SHISA9: variants seen among roughly 807,000 people sequenced by gnomAD.
The protein encoded by SHISA9 is protein shisa-9.
A neutral mutation model predicts 38.0 loss-of-function variants in SHISA9; 13 were observed. The observed-to-expected ratio is 0.34, with a 90% CI of 0.22 to 0.54. The LOEUF (loss-of-function observed/expected upper bound fraction) is 0.54. Among genes scored for constraint, SHISA9 ranks in the 20% least tolerant of loss-of-function variants. The pLI, the probability that SHISA9 is intolerant of heterozygous loss-of-function variation, is 0.91. For synonymous variants in SHISA9, 275 were observed against 242.0 expected (o/e 1.14, Z -1.27); for missense variants, 538 against 575.8 (o/e 0.93, Z 0.67).
intron 1 of SHISA9, among the ~76,000 whole-genome samples, chr16:12,904,128 A>G (rs1452949519): frequency 6.6e-6 from 1 of 152,100 alleles, no homozygotes; most frequent in African/African-American, 2.4e-5. Context: ...TTCCGCAACC[A>G]CAGGGTGGCC....
At chr16:13,334,931 C>A in the SHISA9 span, among the ~76,000 whole-genome samples, 1 of 152,208 alleles carries the variant, frequency 6.6e-6, no homozygotes, top group Non-Finnish European at 1.5e-5. Context: ...TGGAGCAGGG[C>A]ACACCACTTC....
chr16:12,981,960 A>G (rs1392098601), intron 2 of SHISA9, among the ~76,000 whole-genome samples: 2 of 152,202 alleles, frequency 1.3e-5, no homozygotes, highest in East Asian at 3.9e-4. Context: ...TAACCTCTGG[A>G]ATTGTGAGAA....
the SHISA9 span, among the ~76,000 whole-genome samples, chr16:13,482,820 G>T: frequency 1.3e-4 from 10 of 74,854 alleles, no homozygotes; most frequent in East Asian, 4.3e-3. Flanking sequence ...AAAAAAAAGA[G>T]AGAGAGAGAC....
intron 2 of SHISA9, among the ~76,000 whole-genome samples, chr16:13,006,093 G>A (rs184579181): frequency 5.9e-5 from 9 of 152,342 alleles, no homozygotes; most frequent in African/African-American, 2.2e-4. Flanking sequence ...CACTCTGAGA[G>A]ACTGACTTCA....
the SHISA9 span, among the ~76,000 whole-genome samples, chr16:13,314,439 C>T: frequency 1.0e-3 from 154 of 152,068 alleles, 1 homozygote; most frequent in African/African-American, 3.5e-3. Flanking sequence ...AGGGTTTCAC[C>T]GTGTTGGCCA....
chr16:13,054,300 A>T (rs868562753), intron 2 of SHISA9, among the ~76,000 whole-genome samples: 13 of 152,214 alleles, frequency 8.5e-5, no homozygotes, highest in African/African-American at 3.1e-4. Context: ...AAGGTGAAAT[A>T]AGAAAAACCT....
chr16:13,028,058 G>A (rs1450437400), intron 2 of SHISA9, among the ~76,000 whole-genome samples: 2 of 151,950 alleles, frequency 1.3e-5, no homozygotes. Flanking sequence ...GGCTGGGGTG[G>A]GGGTAATTGA....
the SHISA9 span, among the ~76,000 whole-genome samples, chr16:13,344,838 T>C: frequency 0.22 from 33,010 of 152,122 alleles, 4,031 homozygotes; most frequent in African/African-American, 0.31. Flanking sequence ...CCTATGTTCT[T>C]GGTCATTACA....
chr16:13,431,335 GA>G, the SHISA9 span, among the ~76,000 whole-genome samples: 256 of 152,166 alleles, frequency 1.7e-3, 1 homozygote, highest in Middle Eastern at 6.8e-3. Context: ...GTCGAATAGG[GA>G]AAAAAATAAC....
chr16:13,058,798 G>T (rs1240112468), intron 2 of SHISA9, among the ~76,000 whole-genome samples: 1 of 150,470 alleles, frequency 6.6e-6, no homozygotes, highest in African/African-American at 2.5e-5. Context: ...TGTATGTGTG[G>T]TGGGAGATGT....
At chr16:12,937,967 C>T (rs1015539626) in intron 2 of SHISA9, among the ~76,000 whole-genome samples, 2 of 152,190 alleles carry the variant, frequency 1.3e-5, no homozygotes, top group Admixed American at 1.3e-4. Context: ...TAAGGTGAGG[C>T]AGCTGGAATC....
chr16:13,273,065 C>T, the SHISA9 span, among the ~76,000 whole-genome samples: 55 of 152,148 alleles, frequency 3.6e-4, no homozygotes, highest in Non-Finnish European at 1.2e-4. Flanking sequence ...GTTGATTCAT[C>T]AGAATTGGTA....
chr16:13,015,894 CTTT>C (rs2072744758), intron 2 of SHISA9, among the ~76,000 whole-genome samples: 1 of 126,224 alleles, frequency 7.9e-6, no homozygotes, highest in African/African-American at 3.3e-5. Context: ...TTCTTTCTTT[CTTT>C]CTTTCTTTCT....
chr16:13,512,978 G>A, the SHISA9 span, among the ~76,000 whole-genome samples: 1 of 152,158 alleles, frequency 6.6e-6, no homozygotes. Flanking sequence ...AACACCAAAA[G>A]CAATTGCAAC....
chr16:12,902,972 G>A, intron 1 of SHISA9: 1 of 275,102 alleles, frequency 3.6e-6, no homozygotes, highest in East Asian at 8.2e-5. Flanking sequence ...CGGGTTTGGG[G>A]AGAGGGTCCA....
chr16:12,927,787 C>T (rs920931368), intron 2 of SHISA9, among the ~76,000 whole-genome samples: 1 of 152,090 alleles, frequency 6.6e-6, no homozygotes, highest in African/African-American at 2.4e-5. Flanking sequence ...GTCCCCGGTG[C>T]TGAACCACAC....
At chr16:13,360,570 C>T in the SHISA9 span, among the ~76,000 whole-genome samples, 23 of 152,282 alleles carry the variant, frequency 1.5e-4, no homozygotes, top group East Asian at 9.6e-4. Flanking sequence ...CTTCCCCTTC[C>T]GCCATGATTG....
At chr16:13,252,614 C>T in the SHISA9 span, among the ~76,000 whole-genome samples, 34 of 152,272 alleles carry the variant, frequency 2.2e-4, no homozygotes, top group Admixed American at 5.2e-4. Context: ...CTGAAGCTTG[C>T]GCTGCTCATG....
At chr16:13,504,432 A>G in the SHISA9 span, among the ~76,000 whole-genome samples, 5 of 152,196 alleles carry the variant, frequency 3.3e-5, no homozygotes, top group Admixed American at 3.3e-4. Context: ...GCATTGCTCA[A>G]GCTCCTGGGA....
Sources: allele counts gnomAD v4.1 joint callset (sites outside exome capture counted in the v4.1 genomes callset), GRCh38; gene constraint gnomAD v4.1.1; transcripts MANE v1.5; gene names NCBI Gene and HGNC (gene_info 2026-07-23, HGNC 2026-07-21).